Variants in CDH12 observed in about 807,000 individuals in gnomAD.
CDH12 encodes cadherin 12.
In CDH12, 41 loss-of-function variants were observed where a neutral mutation model predicts 74.1. That is an observed-to-expected ratio of 0.55 (90% CI 0.43 to 0.72). The LOEUF is 0.72. CDH12 is among the 30% of genes least tolerant of loss of function. CDH12 has a pLI of 0.00. For missense variants in CDH12, 945 were observed against 977.2 expected (o/e 0.97, Z 0.44); for synonymous variants, 399 against 355.0 (o/e 1.12, Z -1.39).
At chr5:22,720,485 G>A (rs951648747) in intron 1 of CDH12, among the ~76,000 whole-genome samples, 42 of 152,080 alleles carry the variant, frequency 2.8e-4, no homozygotes, top group African/African-American at 8.9e-4. Flanking sequence ...AACTAATATC[G>A]GAAATTGGTG....
intron 2 of CDH12, among the ~76,000 whole-genome samples, chr5:22,462,180 A>C (rs1429071611): frequency 2.0e-5 from 3 of 152,170 alleles, no homozygotes; most frequent in Non-Finnish European, 4.4e-5. Context: ...TAAGTCTGAC[A>C]AATAATATAT....
Position 22,831,351 on chromosome 5 carries a change from T to TTGTGTGTGTGTG in CDH12, c.-523+21695_-523+21706dup, listed in dbSNP as rs1554007029. Among the ~76,000 whole-genome samples the TTGTGTGTGTGTG allele has an allele frequency of 7.9e-3, 1,099 of 138,612 alleles. 15 individuals carry two copies. The highest frequency in any genetic ancestry group is 9.7e-3 in the African/African-American group (349 of 35,982). 90.9% of individuals were successfully genotyped at this position (138,612 alleles called of 152,430 possible). The stretch of plus-strand genomic sequence containing the variant: ...CAAAGGAAGGTAGGGGTTTTGGAGT[T>TTGTGTGTGTGTG]TGTGTGTGTGTGTGTGTGTCTGTGT... On this transcript the variant is annotated intron_variant, in intron 1 of 14. Coordinates refer to ENST00000382254, the MANE Select transcript of CDH12 (RefSeq NM_004061.5).
chr5:21,875,873 G>A (rs1751908415), intron 6 of CDH12, among the ~76,000 whole-genome samples: 1 of 145,558 alleles, frequency 6.9e-6, no homozygotes, highest in African/African-American at 2.5e-5. Context: ...TGTTTCTTAC[G>A]TTTACCTTTC....
At chr5:22,153,151 C>A (rs917515553) in intron 4 of CDH12, among the ~76,000 whole-genome samples, 3 of 149,922 alleles carry the variant, frequency 2.0e-5, no homozygotes, top group Non-Finnish European at 3.0e-5. Flanking sequence ...CTGGGTCATA[C>A]GATAGTTCTT....
chr5:22,489,301 C>T (rs1037286135), intron 2 of CDH12, among the ~76,000 whole-genome samples: 5 of 151,706 alleles, frequency 3.3e-5, no homozygotes, highest in African/African-American at 4.8e-5. Context: ...TCGTGATCCA[C>T]CTGCCTCGGC....
intron 1 of CDH12, among the ~76,000 whole-genome samples, chr5:22,703,850 T>C (rs1447478586): frequency 6.6e-6 from 1 of 152,174 alleles, no homozygotes; most frequent in East Asian, 1.9e-4. Context: ...CTACTGCCTT[T>C]CTTCACAAAG....
chr5:21,931,475 C>T (rs1349304606), intron 6 of CDH12, among the ~76,000 whole-genome samples: 1 of 152,052 alleles, frequency 6.6e-6, no homozygotes, highest in Admixed American at 6.6e-5. Context: ...GATCAATGAA[C>T]AAAAGAAATA....
At chr5:22,698,852 C>T (rs530213292) in intron 1 of CDH12, among the ~76,000 whole-genome samples, 2 of 149,964 alleles carry the variant, frequency 1.3e-5, no homozygotes, top group Non-Finnish European at 3.0e-5. Flanking sequence ...CATGAACATG[C>T]TTTATGGTGG....
intron 2 of CDH12, among the ~76,000 whole-genome samples, chr5:22,476,908 A>T (rs1746191993): frequency 1.3e-5 from 2 of 152,164 alleles, no homozygotes; most frequent in Non-Finnish European, 1.5e-5. Context: ...ATAACTGAGG[A>T]AGCTGGTAGG....
intron 1 of CDH12, among the ~76,000 whole-genome samples, chr5:22,662,117 T>G (rs1740378687): frequency 1.3e-5 from 2 of 152,158 alleles, no homozygotes; most frequent in African/African-American, 4.8e-5. Context: ...GGATACTACC[T>G]AATCATACCA....
At chr5:22,516,053 C>A (rs1027056177) in intron 1 of CDH12, among the ~76,000 whole-genome samples, 1 of 152,004 alleles carries the variant, frequency 6.6e-6, no homozygotes, top group Admixed American at 6.6e-5. Context: ...ATGACTTAAA[C>A]CCCATTTAAT....
intron 2 of CDH12, among the ~76,000 whole-genome samples, chr5:22,425,483 T>C (rs534883701): frequency 1.3e-5 from 2 of 151,848 alleles, no homozygotes; most frequent in African/African-American, 4.8e-5. Context: ...GTGCTAAAAA[T>C]AGTTTGAACT....
rs544492488 is a variant in CDH12 at position 22,510,355 on chromosome 5, TA to T, written c.-522-4992del. ...AAACATAAAATTACCCTATCCGATA[TA>T]AAAAAATTGTTATAAAAATATGGAA... On this transcript the variant is annotated intron_variant, in intron 1 of 14. Coordinates refer to ENST00000382254, the MANE Select transcript of CDH12 (RefSeq NM_004061.5). Among the ~76,000 whole-genome samples, 985 of 152,068 alleles carry T rather than the reference TA, an allele frequency of 6.5e-3. 8 individuals are homozygous for T. Among genetic ancestry groups the T allele is most frequent in the Non-Finnish European group, 0.01 (704 of 67,970 alleles).
intron 3 of CDH12, among the ~76,000 whole-genome samples, chr5:22,353,373 G>T (rs566116863): frequency 6.6e-6 from 1 of 152,082 alleles, no homozygotes. Context: ...TCACCTGCAT[G>T]TTCCAACGTT....
chr5:22,262,323 G>A (rs1351289606), intron 3 of CDH12, among the ~76,000 whole-genome samples: 1 of 137,020 alleles, frequency 7.3e-6, no homozygotes, highest in East Asian at 2.2e-4. Context: ...CTGTGTCCAT[G>A]TGATCTCATT....
At chr5:22,574,220 C>T (rs1432540633) in intron 1 of CDH12, among the ~76,000 whole-genome samples, 2 of 151,550 alleles carry the variant, frequency 1.3e-5, no homozygotes, top group African/African-American at 4.9e-5. Context: ...GCTGGGATTA[C>T]AGGTACGCAC....
chr5:22,437,835 A>G (rs1260071128), intron 2 of CDH12, among the ~76,000 whole-genome samples: 2 of 152,034 alleles, frequency 1.3e-5, no homozygotes, highest in Non-Finnish European at 2.9e-5. Context: ...GTTTAGATAG[A>G]TATACCTCAG....
chr5:22,103,260 T>C (rs935339418), intron 4 of CDH12, among the ~76,000 whole-genome samples: 1 of 152,202 alleles, frequency 6.6e-6, no homozygotes, highest in African/African-American at 2.4e-5. Flanking sequence ...ATGATTTTTC[T>C]TCTTTCACCC....
chr5:22,547,239 A>G (rs367806352), intron 1 of CDH12, among the ~76,000 whole-genome samples: 1 of 152,194 alleles, frequency 6.6e-6, no homozygotes, highest in Non-Finnish European at 1.5e-5. Context: ...GTCCAGTTCA[A>G]TATTTACTGG....
Sources: gnomAD v4.1 joint callset for allele counts (sites outside exome capture counted in the v4.1 genomes callset) on GRCh38, gnomAD v4.1.1 for gene constraint, MANE v1.5 for transcripts, NCBI Gene and HGNC (gene_info 2026-07-23, HGNC 2026-07-21) for gene names.